Variants in MYOM1 observed in about 807,000 individuals in gnomAD.
MYOM1 encodes the protein myomesin 1.
A neutral mutation model predicts 205.3 loss-of-function variants in MYOM1; 164 were observed. The observed-to-expected ratio is 0.80, with a 90% confidence interval of 0.70 to 0.91. The LOEUF (loss-of-function observed/expected upper bound fraction) is 0.91, where lower values mean the gene tolerates loss of function less well. Ranked by LOEUF, MYOM1 falls within the 40% of genes least tolerant of loss-of-function variation. The probability of loss-of-function intolerance (pLI) is 0.00; values close to 1 mark genes in which losing one functional copy is unlikely to be tolerated. For synonymous variants in MYOM1, 772 were observed against 789.4 expected (o/e 0.98, Z 0.37); for missense variants, 2,011 against 2,127.3 (o/e 0.95, Z 1.08).
chr18:3,112,233 G>A (rs8096379), intron 22 of MYOM1, 65 bp downstream of exon 22: 6 of 1,344,574 alleles, frequency 4.5e-6, no homozygotes, highest in Non-Finnish European at 6.3e-6. Context: ...AGCACAGAAA[G>A]GCCGAACCTT....
chr18:3,198,032 T>C (rs1439527510), intron 2 of MYOM1, among the ~76,000 whole-genome samples: 1 of 152,000 alleles, frequency 6.6e-6, no homozygotes, highest in Non-Finnish European at 1.5e-5. Context: ...TTCACCTAAA[T>C]TGAAGTTATG....
In MYOM1 at chr18:3,212,294, T is replaced by C. The variant is rs561835420; in HGVS notation, c.290+2640A>G. Among the ~76,000 whole-genome samples, 71 of 152,340 alleles carry C rather than the reference T, an allele frequency of 4.7e-4. 1 individual carries two copies. In the South Asian group the frequency reaches 0.014, roughly 30 times the overall value. The stretch of plus-strand genomic sequence containing the variant: ...AGTAGGAAGGAAAAAGTAATGAGTT[T>C]GAACACAGAAAAATAATTACAGTTC... On this transcript the variant is annotated intron_variant, in intron 2 of 37. Transcript: ENST00000356443.
chr18:3,067,507 A>G lies in MYOM1; in HGVS notation c.4813T>C (p.Ser1605Pro), dbSNP rs2078910782. 6.2e-7 allele frequency: 1 copy of G among 1,613,698 alleles called. No individual in the cohort carries two copies. The highest frequency in any genetic ancestry group is 8.5e-7 in the Non-Finnish European group (1 of 1,179,892). ...NVWGDPPPEV[S>P]WLKNEKALAS... Reference sequence around the variant, plus strand: ...AGGGCCTTCTCGTTCTTCAACCACGACACCTCCGGAGGCGGGTCTCCCCAC... The same window carrying G: ...AGGGCCTTCTCGTTCTTCAACCACGGCACCTCCGGAGGCGGGTCTCCCCAC... Residue 1605 changes from serine to proline, a missense_variant, in exon 38 of 38, where the codon TCG becomes CCG. Physicochemically the swap from Ser to Pro is moderately conservative, Grantham distance 74. Transcript: ENST00000356443.
intron 13 of MYOM1, among the ~76,000 whole-genome samples, chr18:3,145,925 G>A (rs1181966222): frequency 6.6e-6 from 1 of 152,054 alleles, no homozygotes; most frequent in African/African-American, 2.4e-5. Context: ...TTAGGAATGA[G>A]AGAGGTGACA....
chr18:3,198,688 G>A (rs1195939390), intron 2 of MYOM1, among the ~76,000 whole-genome samples: 1 of 151,908 alleles, frequency 6.6e-6, no homozygotes, highest in Non-Finnish European at 1.5e-5. Context: ...GGAGGCTGTG[G>A]CAGAGAACTG....
chr18:3,086,254 C>T (rs750614436), intron 29 of MYOM1, 103 bp from the exon 30 acceptor site: 10 of 558,488 alleles, frequency 1.8e-5, no homozygotes, highest in African/African-American at 9.6e-5. Flanking sequence ...AAGCACTGAA[C>T]GTGGAGTGAG....
At chr18:3,232,842 G>GA in the MYOM1 span, among the ~76,000 whole-genome samples, 1,403 of 152,086 alleles carry the variant, frequency 9.2e-3, 22 homozygotes, top group African/African-American at 0.031. Context: ...TTCACCATTG[G>GA]AAAATCATGT....
At chr18:3,096,452 A>AT (rs5822737) in intron 25 of MYOM1, among the ~76,000 whole-genome samples, 57,120 of 143,372 alleles carry the variant, frequency 0.4, 11,836 homozygotes, top group Admixed American at 0.49. Flanking sequence ...TAGAAACACC[A>AT]TTTTTTTTTT....
the MYOM1 span, among the ~76,000 whole-genome samples, chr18:3,235,476 C>T: frequency 6.6e-6 from 1 of 152,358 alleles, no homozygotes; most frequent in East Asian, 1.9e-4. Context: ...ATCCCACTGA[C>T]CTTTGAAACA....
rs759836735 is a variant in MYOM1 at position 3,193,837 on chromosome 18, C to T, written c.412G>A (p.Val138Ile). 3.1e-6 allele frequency: 5 copies of T among 1,613,376 alleles called. No homozygotes were observed. Residue 138 changes from valine to isoleucine, a missense_variant, in exon 3 of 38, where the codon GTA (valine) becomes ATA (isoleucine). By Grantham distance (29) the Val-to-Ile change is conservative. Transcript: ENST00000356443. ...ACTCACCGTCCTGAGAAAATGGGTA[C>T]CATGTAGTCACTGGGCAAATTTTCT... ...EKENLPSDYM[V>I]PIFSGRQKHV...
At chr18:3,214,065 A>T (rs2081223569) in intron 2 of MYOM1, among the ~76,000 whole-genome samples, 2 of 152,240 alleles carry the variant, frequency 1.3e-5, no homozygotes, top group South Asian at 4.1e-4. Context: ...TATTATTCTT[A>T]GACTGACTGA....
intron 22 of MYOM1, among the ~76,000 whole-genome samples, chr18:3,103,684 G>C (rs933563742): frequency 1.3e-5 from 2 of 152,122 alleles, no homozygotes; most frequent in African/African-American, 4.8e-5. Flanking sequence ...AATATTTTCT[G>C]TCTGGATTGT....
At chr18:3,159,553 A>G (rs923662193) in intron 10 of MYOM1, among the ~76,000 whole-genome samples, 7 of 152,246 alleles carry the variant, frequency 4.6e-5, no homozygotes, top group African/African-American at 7.2e-5. Context: ...AAATATGAAC[A>G]CACATGTTTA....
chr18:3,234,272 T>C, the MYOM1 span, among the ~76,000 whole-genome samples: 1 of 152,332 alleles, frequency 6.6e-6, no homozygotes, highest in East Asian at 1.9e-4. Flanking sequence ...TAATATATGT[T>C]TACAAGCCAG....
Position 3,104,719 on chromosome 18 carries a change from C to T in MYOM1, c.3419-2089G>A, listed in dbSNP as rs369588718. Among the ~76,000 whole-genome samples, 22 of 148,144 alleles carry T rather than the reference C, an allele frequency of 1.5e-4. No homozygotes were observed. In the East Asian group the frequency reaches 2.4e-3, roughly 16 times the overall value. ...GTGACAAAGTCCACACACTAGTATG[C>T]TGCACACTCACCAGGGAATTGGAAT... is the stretch of plus-strand genomic sequence containing the variant. On this transcript the variant is annotated intron_variant, in intron 22 of 37. Coordinates refer to ENST00000356443, the MANE Select transcript of MYOM1 (RefSeq NM_003803.4).
intron 1 of MYOM1, among the ~76,000 whole-genome samples, chr18:3,218,465 T>C (rs2081295837): frequency 6.6e-6 from 1 of 152,150 alleles, no homozygotes; most frequent in Admixed American, 6.5e-5. Context: ...ATGGAAGATA[T>C]CAGTCTACAG....
At chr18:3,130,474 C>T (rs1301844940) in intron 17 of MYOM1, among the ~76,000 whole-genome samples, 1 of 152,114 alleles carries the variant, frequency 6.6e-6, no homozygotes. Context: ...ATTTCAGACA[C>T]AGGATCTTGC....
At chr18:3,225,556 C>A in the MYOM1 span, among the ~76,000 whole-genome samples, 1 of 152,266 alleles carries the variant, frequency 6.6e-6, no homozygotes. Flanking sequence ...GAGGAGTGAT[C>A]TTGGCCTCTT....
chr18:3,187,689 A>T (rs1391793301), intron 4 of MYOM1, 52 bp from the exon 5 acceptor site: 1 of 1,487,844 alleles, frequency 6.7e-7, no homozygotes, highest in Admixed American at 2.2e-5. Context: ...CAATAAATCA[A>T]AGTGAATTTT....
Sources: gnomAD v4.1 joint callset for allele counts (sites outside exome capture counted in the v4.1 genomes callset) on GRCh38, gnomAD v4.1.1 for gene constraint, MANE v1.5 for transcripts, NCBI Gene and HGNC (gene_info 2026-07-23, HGNC 2026-07-21) for gene names.